RSPO3: variants seen among roughly 807,000 people sequenced by gnomAD.
RSPO3 encodes the protein R-spondin 3.
RSPO3 carries 17 observed loss-of-function variants against 36.5 expected under a neutral mutation model. The observed-to-expected ratio is 0.47, with a 90% confidence interval of 0.32 to 0.70. The LOEUF (loss-of-function observed/expected upper bound fraction) is 0.70, where lower values mean the gene tolerates loss of function less well. RSPO3 is among the 30% of genes least tolerant of loss of function. The pLI, the probability that RSPO3 is intolerant of heterozygous loss-of-function variation, is 0.04. For missense variants in RSPO3, 294 were observed against 322.5 expected (o/e 0.91, Z 0.68); for synonymous variants, 108 against 107.0 (o/e 1.01, Z -0.06).
intron 4 of RSPO3, among the ~76,000 whole-genome samples, chr6:127,174,764 A>G (rs529351760): frequency 7.9e-5 from 12 of 151,928 alleles, no homozygotes; most frequent in African/African-American, 2.9e-4. Context: ...TCACCAACAC[A>G]TTTTTTTAAA....
rs764964316 is a variant in RSPO3 at position 127,196,612 on chromosome 6, A to G, written c.*605A>G. The G allele has an allele frequency of 6.6e-6, 1 of 152,214 alleles. No homozygotes were observed. The highest frequency in any genetic ancestry group is 2.4e-5 in the African/African-American group (1 of 41,456). The allele number at this position is 152,214 out of a possible 1,614,324, so 9.4% of individuals were successfully genotyped here. On this transcript the variant is annotated 3_prime_UTR_variant, in exon 5 of 5. Coordinates refer to ENST00000356698, the MANE Select transcript of RSPO3 (RefSeq NM_032784.5). Reference sequence around the variant, plus strand: ...AAGAGTGCATACCAGAATTGAATATACCATATGGGATTGGAGAAAGACAAA... The same window carrying G: ...AAGAGTGCATACCAGAATTGAATATGCCATATGGGATTGGAGAAAGACAAA...
chr6:127,161,910 A>C (rs1233952749), intron 4 of RSPO3, among the ~76,000 whole-genome samples: 1 of 152,160 alleles, frequency 6.6e-6, no homozygotes, highest in East Asian at 1.9e-4. Flanking sequence ...TTGCTGCATA[A>C]CAAATAACCT....
At chr6:127,147,895 A>C (rs940364161) in intron 1 of RSPO3, among the ~76,000 whole-genome samples, 24 of 152,154 alleles carry the variant, frequency 1.6e-4, no homozygotes, top group African/African-American at 5.3e-4. Context: ...ATAAATTACC[A>C]TAAGTAGTCA....
At chr6:127,142,007 A>G (rs1431260567) in intron 1 of RSPO3, among the ~76,000 whole-genome samples, 3 of 152,182 alleles carry the variant, frequency 2.0e-5, no homozygotes, top group African/African-American at 7.2e-5. Context: ...TTGGTATATT[A>G]AAACCCTAAA....
chr6:127,123,473 T>G (rs996482511), intron 1 of RSPO3, among the ~76,000 whole-genome samples: 4 of 152,126 alleles, frequency 2.6e-5, no homozygotes, highest in Admixed American at 2.6e-4. Context: ...CAAATTCATA[T>G]GCGGTAGTGG....
chr6:127,187,301 G>T (rs73771621), intron 4 of RSPO3, among the ~76,000 whole-genome samples: 1 of 152,068 alleles, frequency 6.6e-6, no homozygotes, highest in Non-Finnish European at 1.5e-5. Context: ...ACGCCCCACT[G>T]ACTAAATTTC....
chr6:127,130,608 C>A (rs941442754), intron 1 of RSPO3, among the ~76,000 whole-genome samples: 1 of 151,990 alleles, frequency 6.6e-6, no homozygotes, highest in Non-Finnish European at 1.5e-5. Flanking sequence ...ATTTAATTTT[C>A]TTTCATCTTA....
At position 127,119,287 on chromosome 6, in the gene RSPO3, G is replaced by T; in HGVS notation, c.95G>T (p.Arg32Ile). Residue 32 changes from arginine (R) to isoleucine (I), a missense_variant and splice_region_variant, in exon 1 of 5, where the codon AGA becomes ATA. Physicochemically the swap from Arg to Ile is moderately conservative, Grantham distance 97. Transcript: ENST00000356698. ...QNASRGRRQR[R>I]MHPNVSQGCQ... ...GCCTCCCGGGGAAGGCGCCAGCGAA[G>T]AAGTAAGTGCAGGGTTTTTTACGCG... 1 of 1,611,158 alleles carries T rather than the reference G, an allele frequency of 6.2e-7. No homozygotes were observed. Among genetic ancestry groups the T allele is most frequent in the Non-Finnish European group, 8.5e-7 (1 of 1,177,840 alleles).
intron 4 of RSPO3, among the ~76,000 whole-genome samples, chr6:127,190,157 C>G (rs1361578200): frequency 6.6e-6 from 1 of 152,132 alleles, no homozygotes; most frequent in Non-Finnish European, 1.5e-5. Context: ...GGCACAGTGG[C>G]TCACACCTGT....
chr6:127,173,384 G>A lies in RSPO3; in HGVS notation c.634+17946G>A, dbSNP rs552149397. ...AAGGCGCTGTCAGTCAGTAGAGTCAGTGACCTTCAGGCTGTTAAGTGGTTT... is the reference window on the plus strand; with the variant it reads ...AAGGCGCTGTCAGTCAGTAGAGTCAATGACCTTCAGGCTGTTAAGTGGTTT... On this transcript the variant is annotated intron_variant, in intron 4 of 4. Coordinates refer to ENST00000356698, the MANE Select transcript of RSPO3 (RefSeq NM_032784.5). Among the ~76,000 whole-genome samples the A allele has an allele frequency of 9.9e-5, 15 of 151,946 alleles. No homozygotes were observed. The South Asian group carries it at 2.7e-3, about 27-fold the overall frequency.
chr6:127,197,191 A>T lies in RSPO3; in HGVS notation c.*1184A>T. The T allele has an allele frequency of 2.2e-6, 1 of 459,164 alleles. No homozygotes were observed. Among genetic ancestry groups the T allele is most frequent in the Admixed American group, 3.9e-5 (1 of 25,888 alleles). The allele number at this position is 459,164 out of a possible 1,614,324, so 28.4% of individuals were successfully genotyped here. A position where few individuals can be genotyped will look rare whatever the true frequency, so the allele number is the denominator to read the frequency against. On this transcript the variant is annotated 3_prime_UTR_variant, in exon 5 of 5. Coordinates refer to ENST00000356698, the MANE Select transcript of RSPO3 (RefSeq NM_032784.5). ...ATTTCTCAGTAATATTTGTTTTTTGAATCCACCTTTATCTGAGCCAATGGA... is the reference window on the plus strand; with the variant it reads ...ATTTCTCAGTAATATTTGTTTTTTGTATCCACCTTTATCTGAGCCAATGGA...
chr6:127,149,721 G>T (rs1264645664), intron 2 of RSPO3, among the ~76,000 whole-genome samples: 1 of 152,014 alleles, frequency 6.6e-6, no homozygotes, highest in Non-Finnish European at 1.5e-5. Flanking sequence ...GTTTCAAAAA[G>T]CAGTCTGATC....
intron 4 of RSPO3, among the ~76,000 whole-genome samples, chr6:127,191,850 C>G (rs185847697): frequency 2.2e-4 from 34 of 152,310 alleles, no homozygotes; most frequent in Admixed American, 2.2e-3. Flanking sequence ...GTACACTGGT[C>G]CTCAGGACAA....
At chr6:127,172,178 A>G (rs1774950620) in intron 4 of RSPO3, among the ~76,000 whole-genome samples, 1 of 150,280 alleles carries the variant, frequency 6.7e-6, no homozygotes, top group African/African-American at 2.4e-5. Flanking sequence ...AATCTGGACA[A>G]TTGGCTTATT....
intron 4 of RSPO3, among the ~76,000 whole-genome samples, chr6:127,182,848 G>C (rs914361927): frequency 6.6e-6 from 1 of 152,018 alleles, no homozygotes; most frequent in Non-Finnish European, 1.5e-5. Flanking sequence ...GATCAGGCAA[G>C]ATGGGCTAGA....
intron 1 of RSPO3, among the ~76,000 whole-genome samples, chr6:127,132,432 C>G (rs546213716): frequency 6.6e-6 from 1 of 151,570 alleles, no homozygotes; most frequent in African/African-American, 2.4e-5. Flanking sequence ...TTAATGTGCA[C>G]AGGATATAAG....
chr6:127,182,108 G>A (rs971583379), intron 4 of RSPO3, among the ~76,000 whole-genome samples: 11 of 151,590 alleles, frequency 7.3e-5, no homozygotes, highest in Non-Finnish European at 1.5e-4. Context: ...AAGGTGCCAG[G>A]CTCTTTTTAA....
intron 1 of RSPO3, among the ~76,000 whole-genome samples, chr6:127,124,787 A>T (rs771636628): frequency 6.6e-6 from 1 of 152,060 alleles, no homozygotes; most frequent in African/African-American, 2.4e-5. Context: ...TGCCCATCAG[A>T]TCTTTCCATT....
Position 127,196,133 on chromosome 6 carries a change from C to T in RSPO3, c.*126C>T. 1 of 705,468 alleles carries T rather than the reference C, an allele frequency of 1.4e-6. No individual in the cohort carries two copies. The highest frequency in any genetic ancestry group is 2.2e-6 in the Non-Finnish European group (1 of 460,736). 43.7% of individuals were successfully genotyped at this position (705,468 alleles called of 1,614,324 possible). ...TATTGCTCTGTCTAAACAACATTCC[C>T]AGTAGTTGCTATATTCTTCATACAA... On this transcript the variant is annotated 3_prime_UTR_variant, in exon 5 of 5. Coordinates refer to ENST00000356698, the MANE Select transcript of RSPO3 (RefSeq NM_032784.5).
Sources: gnomAD v4.1 joint callset for allele counts (sites outside exome capture counted in the v4.1 genomes callset) on GRCh38, gnomAD v4.1.1 for gene constraint, MANE v1.5 for transcripts, NCBI Gene and HGNC (gene_info 2026-07-23, HGNC 2026-07-21) for gene names.